Variants in DMD observed in about 807,000 individuals in gnomAD.
The protein encoded by DMD is dystrophin, also known as mutant dystrophin.
Under a neutral mutation model 330.1 loss-of-function variants are expected in DMD, and 63 were observed. The observed-to-expected ratio is 0.19, with a 90% CI of 0.16 to 0.24. DMD has a LOEUF of 0.24. DMD is among the 10% of genes least tolerant of loss of function. The probability of loss-of-function intolerance (pLI) is 1.00; values close to 1 mark genes in which losing one functional copy is unlikely to be tolerated. For missense variants in DMD, 3,344 were observed against 2,684.1 expected (o/e 1.25, Z -5.43); for synonymous variants, 1,223 against 959.8 (o/e 1.27, Z -5.07).
intron 7 of DMD, among the ~76,000 whole-genome samples, chrX:32,808,487 G>A (rs984314126): frequency 3.6e-5 from 4 of 111,375 alleles, no homozygotes; most frequent in Non-Finnish European, 7.5e-5. Flanking sequence ...TCTGCTAGAT[G>A]ATCTGAGGCA....
At chrX:32,777,276 T>TGGGGGGG (rs1373161447) in intron 7 of DMD, among the ~76,000 whole-genome samples, 1 of 504 alleles carries the variant, frequency 2.0e-3, no homozygotes, top group Non-Finnish European at 2.6e-3. Context: ...TGGTTTCTGG[T>TGGGGGGG]TGGGGGGGGA....
chrX:33,112,647 T>G (rs1303406534), intron 1 of DMD, among the ~76,000 whole-genome samples: 1 of 111,558 alleles, frequency 9.0e-6, no homozygotes, highest in African/African-American at 3.3e-5. Flanking sequence ...CCTTACAGTG[T>G]ATCTTGATCA....
intron 15 of DMD, among the ~76,000 whole-genome samples, chrX:32,569,978 T>G (rs2149116553): frequency 9.0e-6 from 1 of 111,731 alleles, no homozygotes; most frequent in East Asian, 2.8e-4. Flanking sequence ...TTTTTATCCC[T>G]GATGCCAAAT....
intron 54 of DMD, among the ~76,000 whole-genome samples, chrX:31,649,684 T>A (rs777881735): frequency 3.6e-5 from 4 of 110,277 alleles, no homozygotes; most frequent in African/African-American, 1.3e-4. Context: ...TTATGCTTCA[T>A]AATCAGTTGG....
intron 1 of DMD, among the ~76,000 whole-genome samples, chrX:33,039,498 C>T (rs912566356): frequency 9.0e-6 from 1 of 111,304 alleles, no homozygotes; most frequent in East Asian, 2.8e-4. Flanking sequence ...ATACAAAATG[C>T]TTTTGAGTCA....
intron 61 of DMD, among the ~76,000 whole-genome samples, chrX:31,339,868 C>T (rs2057630311): frequency 8.9e-6 from 1 of 112,732 alleles, no homozygotes; most frequent in African/African-American, 3.2e-5. Context: ...AGCCACCGCA[C>T]CCGGCCTCAT....
intron 45 of DMD, among the ~76,000 whole-genome samples, chrX:31,949,480 C>A (rs917485397): frequency 4.5e-5 from 5 of 110,846 alleles, no homozygotes; most frequent in African/African-American, 1.6e-4. Context: ...GTAATTTATT[C>A]TTGTATATTG....
chrX:31,385,758 G>C (rs762252910), intron 60 of DMD, among the ~76,000 whole-genome samples: 92 of 112,279 alleles, frequency 8.2e-4, no homozygotes, highest in Non-Finnish European at 1.5e-3. Context: ...TGGAGAAATA[G>C]CACTTTTACA....
intron 60 of DMD, among the ~76,000 whole-genome samples, chrX:31,430,995 A>G (rs746039565): frequency 1.1e-4 from 12 of 106,673 alleles, no homozygotes; most frequent in Middle Eastern, 4.7e-3. Context: ...TAGAGACAGG[A>G]TTTCACCATT....
chrX:32,711,275 C>T (rs756297024), intron 7 of DMD, among the ~76,000 whole-genome samples: 1 of 111,336 alleles, frequency 9.0e-6, no homozygotes, highest in African/African-American at 3.3e-5. Flanking sequence ...TCTCAAATAC[C>T]TCTCCCTCAG....
At chrX:32,014,784 T>C (rs942338946) in intron 44 of DMD, among the ~76,000 whole-genome samples, 40 of 112,321 alleles carry the variant, frequency 3.6e-4, no homozygotes, top group African/African-American at 1.2e-3. Flanking sequence ...AGAAAAGTTC[T>C]AGTTGGGTCA....
rs776107354 is a variant in DMD, at chrX:33,024,165, T to C, written c.32-3965A>G. Among the ~76,000 whole-genome samples the C allele has an allele frequency of 5.4e-5, 6 of 111,859 alleles. No homozygotes were observed. In the East Asian group the frequency reaches 1.7e-3, roughly 31 times the overall value. The stretch of plus-strand genomic sequence containing the variant: ...GATGTCTATTTCTGTAGTCACATAG[T>C]CTATAGTAAAACATATTAATGTGCA... On this transcript the variant is annotated intron_variant, in intron 1 of 78. Transcript: ENST00000357033.
At chrX:32,713,519 C>T (rs978444700) in intron 7 of DMD, among the ~76,000 whole-genome samples, 1 of 111,645 alleles carries the variant, frequency 9.0e-6, no homozygotes, top group Non-Finnish European at 1.9e-5. Context: ...CACTGAACTC[C>T]GTTCCCCCTT....
intron 7 of DMD, among the ~76,000 whole-genome samples, chrX:32,787,748 C>T (rs956427358): frequency 1.2e-4 from 12 of 102,930 alleles, no homozygotes; most frequent in African/African-American, 1.4e-4. Context: ...TTAAGGACCA[C>T]GGTTGACCAT....
chrX:32,810,828 G>A (rs1222270335), intron 6 of DMD, among the ~76,000 whole-genome samples: 1 of 111,386 alleles, frequency 9.0e-6, no homozygotes. Context: ...TGTGATCTAC[G>A]AAGTCCAACA....
At chrX:32,430,195 T>A (rs1198988070) in intron 29 of DMD, among the ~76,000 whole-genome samples, 1 of 111,793 alleles carries the variant, frequency 8.9e-6, no homozygotes, top group African/African-American at 3.3e-5. Flanking sequence ...ATTTAATTGC[T>A]TTGTAGGTTA....
rs373873881 is a variant in DMD at position 32,417,156 on chromosome X, A to G, written c.4072-5243T>C. On this transcript the variant is annotated intron_variant, in intron 29 of 78. Transcript: ENST00000357033. ...AGTCTTAAACTGAAAATAACAAGTAATAAGTCTCTCTCATTCTAAGAGATG... is the reference window on the plus strand; with the variant it reads ...AGTCTTAAACTGAAAATAACAAGTAGTAAGTCTCTCTCATTCTAAGAGATG... 3.1e-4 allele frequency among the ~76,000 whole-genome samples: 35 copies of G among 111,751 alleles called. 1 individual carries two copies. The South Asian group carries it at 0.012, about 40-fold the overall frequency.
chrX:31,132,988 C>T (rs1422828835), intron 77 of DMD, among the ~76,000 whole-genome samples: 1 of 111,930 alleles, frequency 8.9e-6, no homozygotes, highest in East Asian at 2.8e-4. Context: ...CTTCCCCTGA[C>T]GGTTCCTTAG....
chrX:32,271,945 T>C (rs1005105037), intron 43 of DMD, among the ~76,000 whole-genome samples: 2 of 111,784 alleles, frequency 1.8e-5, no homozygotes, highest in Non-Finnish European at 3.8e-5. Context: ...TTATTCATTC[T>C]AGAATATTAC....
Sources: allele counts gnomAD v4.1 joint callset (sites outside exome capture counted in the v4.1 genomes callset), GRCh38; gene constraint gnomAD v4.1.1; transcripts MANE v1.5; gene names NCBI Gene and HGNC (gene_info 2026-07-23, HGNC 2026-07-21).